CDC25A: variants seen among roughly 807,000 people sequenced by gnomAD.
CDC25A encodes the protein cell division cycle 25A.
A neutral mutation model predicts 64.6 loss-of-function variants in CDC25A; 17 were observed. The ratio of observed to expected loss-of-function variants is 0.26; its 90% CI spans 0.18 to 0.39. The LOEUF is 0.39. Ranked by LOEUF, CDC25A falls within the 10% of genes least tolerant of loss-of-function variation. The pLI is 1.00. For synonymous variants in CDC25A, 229 were observed against 238.6 expected (o/e 0.96, Z 0.37); for missense variants, 473 against 654.8 (o/e 0.72, Z 3.03).
At position 48,183,829 on chromosome 3, in the gene CDC25A, T is replaced by C; in HGVS notation, c.298A>G (p.Asn100Asp). 6.3e-7 allele frequency: 1 copy of C among 1,581,242 alleles called. No individual in the cohort carries two copies. The highest frequency in any genetic ancestry group is 8.7e-7 in the Non-Finnish European group (1 of 1,150,824). Residue 100 changes from asparagine to aspartate, a missense_variant, in exon 4 of 15, where the codon AAT (asparagine) becomes GAT (aspartate). Physicochemically the swap from Asn to Asp is conservative, Grantham distance 23 (BLOSUM62 1). Coordinates refer to ENST00000302506, the MANE Select transcript of CDC25A (RefSeq NM_001789.3). ...GPLDSKENLE[N>D]PMRRIHSLPQ... ...AGGGAATGTATTCTTCTCATAGGAT[T>C]TTCAAGGCTGTAATGAGATCAGAAG...
At chr3:48,168,166 T>A (rs2032111007) in intron 9 of CDC25A, among the ~76,000 whole-genome samples, 1 of 147,200 alleles carries the variant, frequency 6.8e-6, no homozygotes, top group Non-Finnish European at 1.5e-5. Context: ...TGAAACTAAG[T>A]TTTCCTTCCT....
At chr3:48,179,597 C>T (rs901344221) in intron 6 of CDC25A, among the ~76,000 whole-genome samples, 2 of 152,084 alleles carry the variant, frequency 1.3e-5, no homozygotes, top group Non-Finnish European at 2.9e-5. Flanking sequence ...GAACTCCTGA[C>T]CTCATGTGAT....
rs772946701 is a variant in CDC25A at position 48,187,879 on chromosome 3, C to T, written c.69G>A (p.Ser23=). Residue 23 remains serine, a synonymous_variant, in exon 1 of 15, where the codon TCG becomes TCA. Transcript: ENST00000302506. The part of the protein sequence containing the change: ...LLFACSPPPA[S]QPVVKALFGA... ...CAAATAGCGCCTTCACGACGGGCTG[C>T]GACGCGGGAGGGGGGCTGCAGGCGA... The T allele has an allele frequency of 1.6e-5, 24 of 1,546,482 alleles. No homozygotes were observed. In the Admixed American group the frequency reaches 4.7e-4, roughly 30 times the overall value.
intron 13 of CDC25A, among the ~76,000 whole-genome samples, chr3:48,163,972 G>A (rs2031897830): frequency 6.6e-6 from 1 of 152,136 alleles, no homozygotes; most frequent in Non-Finnish European, 1.5e-5. Flanking sequence ...CCTGAAATTG[G>A]TAATAATATC....
At chr3:48,180,073 A>C (rs2032606095) in intron 6 of CDC25A, among the ~76,000 whole-genome samples, 1 of 152,150 alleles carries the variant, frequency 6.6e-6, no homozygotes, top group Admixed American at 6.5e-5. Context: ...CTGAGCATTC[A>C]CTGTAATCCA....
chr3:48,187,711 G>A, intron 1 of CDC25A, 67 bp downstream of exon 1: 2 of 1,446,266 alleles, frequency 1.4e-6, no homozygotes, highest in East Asian at 2.9e-5. Context: ...CCGTTTCCTG[G>A]CCTGATCTCT....
At chr3:48,168,037 G>T (rs966812609) in intron 9 of CDC25A, 93 bp from the exon 10 acceptor site, 1 of 713,994 alleles carries the variant, frequency 1.4e-6, no homozygotes, top group Non-Finnish European at 2.5e-6. Context: ...AGACTAAAAT[G>T]TTAATGCCTA....
chr3:48,180,900 G>T, intron 5 of CDC25A, 60 bp from the exon 6 acceptor site: 16 of 1,582,026 alleles, frequency 1.0e-5, no homozygotes, highest in Non-Finnish European at 1.4e-5. Flanking sequence ...CTCAGCTTGG[G>T]TGAAAGAGGC....
At chr3:48,159,587 A>G in intron 13 of CDC25A, 132 bp from the exon 14 acceptor site, 2 of 644,558 alleles carry the variant, frequency 3.1e-6, no homozygotes, top group African/African-American at 1.8e-5. Flanking sequence ...TATTCTTAGA[A>G]ACAATCAGTG....
chr3:48,179,438 T>C (rs1350960505), intron 6 of CDC25A, among the ~76,000 whole-genome samples: 1 of 152,202 alleles, frequency 6.6e-6, no homozygotes, highest in Admixed American at 6.5e-5. Context: ...GGTCTGATCA[T>C]AGCTCACTGC....
intron 2 of CDC25A, 135 bp from the exon 3 acceptor site, chr3:48,184,830 A>G: frequency 1.6e-6 from 1 of 627,076 alleles, no homozygotes; most frequent in South Asian, 2.1e-5. Context: ...TACTTTTGCC[A>G]GAATTGATGT....
intron 9 of CDC25A, among the ~76,000 whole-genome samples, chr3:48,172,207 C>T (rs2032295429): frequency 6.6e-6 from 1 of 152,018 alleles, no homozygotes; most frequent in African/African-American, 2.4e-5. Flanking sequence ...AACAACTCTC[C>T]CAAAACAAAA....
At chr3:48,173,250 G>A (rs1195711154) in intron 9 of CDC25A, among the ~76,000 whole-genome samples, 1 of 148,954 alleles carries the variant, frequency 6.7e-6, no homozygotes, top group Non-Finnish European at 1.5e-5. Flanking sequence ...TAAAAATCAA[G>A]TATTTAATAG....
chr3:48,167,951 C>T lies in CDC25A; in HGVS notation c.931-7G>A, dbSNP rs534944126. 6.5e-7 allele frequency: 1 copy of T among 1,526,968 alleles called. No individual in the cohort carries two copies. The highest frequency in any genetic ancestry group is 1.4e-5 in the African/African-American group (1 of 73,096). The allele number at this position is 1,526,968 out of a possible 1,614,324, so 94.6% of individuals were successfully genotyped here. A position where few individuals can be genotyped will look rare whatever the true frequency, so the allele number is the denominator to read the frequency against. ...ATAAAGACTGATGAAGAGTCTGTAA[C>T]AAATCAAAGGTAGAGAATGAGACAA... On this transcript the variant is annotated splice_region_variant and splice_polypyrimidine_tract_variant and intron_variant, in intron 9 of 14. Transcript: ENST00000302506.
At chr3:48,180,907 A>G in intron 5 of CDC25A, 67 bp from the exon 6 acceptor site, 3 of 1,547,456 alleles carry the variant, frequency 1.9e-6, no homozygotes, top group Non-Finnish European at 2.7e-6. Context: ...TGGGTGAAAG[A>G]GGCAAGAAAG....
intron 3 of CDC25A, among the ~76,000 whole-genome samples, chr3:48,184,432 G>A (rs1257227801): frequency 3.9e-5 from 6 of 152,120 alleles, no homozygotes; most frequent in Non-Finnish European, 8.8e-5. Context: ...AAGGGTTTGG[G>A]TAAGACCCAA....
chr3:48,159,014 G>C lies in CDC25A; in HGVS notation c.1506C>G (p.Arg502=), dbSNP rs574551142. Reference sequence around the variant, plus strand: ...CCCCTGCCCAGGTCCGGCTCTTGGTGCGGAACTTCTTCAGGTCTTCTTTAA... The same window carrying C: ...CCCCTGCCCAGGTCCGGCTCTTGGTCCGGAACTTCTTCAGGTCTTCTTTAA... ...EDFKEDLKKF[R]TKSRTWAGEK... Residue 502 remains arginine (R), a synonymous_variant, in exon 15 of 15, where the codon CGC becomes CGG. Coordinates refer to ENST00000302506, the MANE Select transcript of CDC25A (RefSeq NM_001789.3). 2 of 1,614,158 alleles carry C rather than the reference G, an allele frequency of 1.2e-6. No homozygotes were observed. Among genetic ancestry groups the C allele is most frequent in the African/African-American group, 1.3e-5 (1 of 75,036 alleles).
At chr3:48,164,916 C>G (rs3731551) in intron 12 of CDC25A, among the ~76,000 whole-genome samples, 2,991 of 150,370 alleles carry the variant, frequency 0.02, 205 homozygotes, top group East Asian at 0.14. Flanking sequence ...GAGACCAGCC[C>G]GGGCAACATG....
intron 13 of CDC25A, among the ~76,000 whole-genome samples, chr3:48,162,979 C>T (rs556231292): frequency 6.6e-6 from 1 of 152,098 alleles, no homozygotes; most frequent in East Asian, 1.9e-4. Flanking sequence ...ATTAAGACCC[C>T]ATCTCAAAAT....
Sources: gnomAD v4.1 joint callset for allele counts (sites outside exome capture counted in the v4.1 genomes callset) on GRCh38, gnomAD v4.1.1 for gene constraint, MANE v1.5 for transcripts, NCBI Gene and HGNC (gene_info 2026-07-23, HGNC 2026-07-21) for gene names.